The following KDM2A variants were observed in gnomAD, a reference collection of about 807,000 sequenced individuals.
KDM2A encodes lysine-specific demethylase 2A.
KDM2A carries 3 observed loss-of-function variants against 137.3 expected under a neutral mutation model. The observed-to-expected ratio is 0.02, with a 90% CI of 0.01 to 0.06. The LOEUF (loss-of-function observed/expected upper bound fraction) is 0.06, where lower values mean the gene tolerates loss of function less well. KDM2A is among the 10% of genes least tolerant of loss of function. KDM2A has a pLI of 1.00. For missense variants in KDM2A, 738 were observed against 1,510.6 expected (o/e 0.49, Z 8.48); for synonymous variants, 512 against 541.5 (o/e 0.95, Z 0.76).
At chr11:67,158,900 G>C (rs560687543) in intron 2 of KDM2A, among the ~76,000 whole-genome samples, 14 of 152,184 alleles carry the variant, frequency 9.2e-5, no homozygotes, top group Admixed American at 2.6e-4. Context: ...AAAGTTGATT[G>C]TAAATTTTGA....
intron 2 of KDM2A, among the ~76,000 whole-genome samples, chr11:67,139,832 C>T (rs144412576): frequency 1.1e-4 from 16 of 152,242 alleles, no homozygotes; most frequent in Admixed American, 2.6e-4. Context: ...GCCTCAGGTC[C>T]TGAGTAGCTG....
intron 2 of KDM2A, among the ~76,000 whole-genome samples, chr11:67,132,285 G>GT (rs894338937): frequency 3.4e-4 from 51 of 151,898 alleles, no homozygotes; most frequent in South Asian, 8.3e-4. Context: ...TAGAAGTTTT[G>GT]TTTTTTTTGT....
chr11:67,243,932 A>C (rs1020796952), intron 13 of KDM2A: 1 of 152,236 alleles, frequency 6.6e-6, no homozygotes, highest in African/African-American at 2.4e-5. Context: ...ACTGTCCTCT[A>C]TCAAGGTTAT....
At chr11:67,184,559 A>G (rs1247639374) in intron 5 of KDM2A, among the ~76,000 whole-genome samples, 1 of 151,912 alleles carries the variant, frequency 6.6e-6, no homozygotes, top group Non-Finnish European at 1.5e-5. Context: ...ACCGGGAGGC[A>G]GAGGTTGCAG....
chr11:67,250,266 A>G lies in KDM2A; in HGVS notation c.2236A>G (p.Ser746Gly). 3.1e-6 allele frequency: 5 copies of G among 1,613,660 alleles called. No homozygotes were observed. Among genetic ancestry groups the G allele is most frequent in the Non-Finnish European group, 4.2e-6 (5 of 1,179,828 alleles). Residue 746 changes from serine to glycine, a missense_variant, in exon 17 of 21, where the codon AGC becomes GGC. Ser to Gly is a moderately conservative substitution (Grantham distance 56). Coordinates refer to ENST00000529006, the MANE Select transcript of KDM2A (RefSeq NM_012308.3). This position sits in a 1 kb window ranked among gnomAD's most constrained non-coding sequence, Gnocchi z 7.1. ...VTRSSPGAGP[S>G]DHHSASRDER... is the part of the protein sequence containing the mutation. ...TCGGTCATCCCCTGGGGCTGGCCCC[A>G]GCGACCACCACAGTGCCAGCCGCGA...
intron 2 of KDM2A, among the ~76,000 whole-genome samples, chr11:67,168,594 CA>C (rs1856804784): frequency 2.1e-5 from 1 of 47,952 alleles, no homozygotes. Flanking sequence ...CACACACACA[CA>C]CACACACACA....
intron 12 of KDM2A, among the ~76,000 whole-genome samples, chr11:67,238,929 T>C (rs10732253): frequency 0.96 from 146,222 of 152,288 alleles, 70,302 homozygotes; most frequent in Non-Finnish European, 0.99. Context: ...TGCACCCTCC[T>C]TTCCTCCTGT....
Position 67,217,897 on chromosome 11 carries a change from G to A in KDM2A, c.841+13G>A. 1.3e-6 allele frequency: 2 copies of A among 1,578,474 alleles called. No individual in the cohort carries two copies. Among genetic ancestry groups the A allele is most frequent in the African/African-American group, 1.4e-5 (1 of 73,816 alleles). ...GTCATTCCCTCAGGTAAGCAAAATG[G>A]GAAGAGTGGGTTATTTAGCCATTTT... On this transcript the variant is annotated intron_variant, in intron 9 of 20. Coordinates refer to ENST00000529006, the MANE Select transcript of KDM2A (RefSeq NM_012308.3).
chr11:67,180,698 G>C (rs746823790), intron 3 of KDM2A, among the ~76,000 whole-genome samples: 1 of 151,942 alleles, frequency 6.6e-6, no homozygotes, highest in African/African-American at 2.4e-5. Context: ...TGTCACCCAG[G>C]GTGGAGTGCA....
In KDM2A at chr11:67,245,059, G is replaced by A; in HGVS notation, c.1564-130G>A. The A allele has an allele frequency of 1.1e-6, 1 of 901,096 alleles. No individual in the cohort carries two copies. Among genetic ancestry groups the A allele is most frequent in the Non-Finnish European group, 1.7e-6 (1 of 592,020 alleles). The allele number at this position is 901,096 out of a possible 1,614,324, so 55.8% of individuals were successfully genotyped here. A position where few individuals can be genotyped will look rare whatever the true frequency, so the allele number is the denominator to read the frequency against. ...TTGTGTGTCAATAAAATTTATTCTA[G>A]AAACAAGCAGTGGGCAGATCTGGCC... On this transcript the variant is annotated intron_variant, in intron 13 of 20. Coordinates refer to ENST00000529006, the MANE Select transcript of KDM2A (RefSeq NM_012308.3). This position sits in a 1 kb window ranked among gnomAD's most constrained non-coding sequence, Gnocchi z 4.1.
rs1859590788 is a variant in KDM2A, at chr11:67,255,880, G to A, written c.*825G>A. On this transcript the variant is annotated 3_prime_UTR_variant, in exon 21 of 21. Coordinates refer to ENST00000529006, the MANE Select transcript of KDM2A (RefSeq NM_012308.3). ...CCCCCTCTCTCTTTTGCCTCCCACTGACTGCCCTTTTCCATGTGTCTTCAT... is the reference window on the plus strand; with the variant it reads ...CCCCCTCTCTCTTTTGCCTCCCACTAACTGCCCTTTTCCATGTGTCTTCAT... 3.8e-6 allele frequency: 1 copy of A among 260,546 alleles called. No homozygotes were observed. Among genetic ancestry groups the A allele is most frequent in the Admixed American group, 4.9e-5 (1 of 20,238 alleles). 16.1% of individuals were successfully genotyped at this position (260,546 alleles called of 1,614,324 possible). A position where few individuals can be genotyped will look rare whatever the true frequency, so the allele number is the denominator to read the frequency against.
At chr11:67,127,784 C>T (rs553102826) in intron 2 of KDM2A, among the ~76,000 whole-genome samples, 33 of 151,912 alleles carry the variant, frequency 2.2e-4, no homozygotes, top group Non-Finnish European at 1.9e-4. Context: ...CTGGGCTCAC[C>T]GCAACCTCCC....
At chr11:67,152,367 A>G (rs116610720) in intron 2 of KDM2A, among the ~76,000 whole-genome samples, 28 of 152,170 alleles carry the variant, frequency 1.8e-4, no homozygotes, top group African/African-American at 6.5e-4. Context: ...TGTTATTCCA[A>G]GTATTTTGCG....
chr11:67,186,161 A>G (rs1565394075), intron 5 of KDM2A, among the ~76,000 whole-genome samples: 2 of 152,204 alleles, frequency 1.3e-5, no homozygotes. Flanking sequence ...AATGAACTCC[A>G]AGTAAGATGA....
chr11:67,239,273 G>A (rs1011798515), intron 12 of KDM2A, among the ~76,000 whole-genome samples: 1 of 152,162 alleles, frequency 6.6e-6, no homozygotes, highest in African/African-American at 2.4e-5. Flanking sequence ...AGGGCAAAGT[G>A]TGTTGTGCCT....
chr11:67,203,484 ATAT>A (rs1182550488), intron 5 of KDM2A, among the ~76,000 whole-genome samples: 4 of 147,570 alleles, frequency 2.7e-5, no homozygotes, highest in African/African-American at 9.8e-5. Context: ...TTATTAATAT[ATAT>A]TAATATATTT....
In KDM2A at chr11:67,125,279, C is replaced by T. The variant is rs572943602; in HGVS notation, c.42+3921C>T. Among the ~76,000 whole-genome samples, 127 of 151,338 alleles carry T rather than the reference C, an allele frequency of 8.4e-4. 1 individual carries two copies. The South Asian group carries it at 0.024, about 29-fold the overall frequency. On this transcript the variant is annotated intron_variant, in intron 2 of 20. Coordinates refer to ENST00000529006, the MANE Select transcript of KDM2A (RefSeq NM_012308.3). ...CATTGCAGCCTCGACATCCTGGTCTCGAGTGATCTTCCCACGTCAGCTTCC... is the reference window on the plus strand; with the variant it reads ...CATTGCAGCCTCGACATCCTGGTCTTGAGTGATCTTCCCACGTCAGCTTCC...
At chr11:67,215,502 C>A in intron 7 of KDM2A, 56 bp downstream of exon 7, 3 of 1,121,586 alleles carry the variant, frequency 2.7e-6, no homozygotes, top group Non-Finnish European at 4.0e-6. Context: ...AAAGCAATAG[C>A]AAGGATTGGC....
chr11:67,122,259 G>T (rs1855613339), intron 2 of KDM2A, among the ~76,000 whole-genome samples: 2 of 152,140 alleles, frequency 1.3e-5, no homozygotes, highest in South Asian at 4.1e-4. Context: ...GAATTTAGGA[G>T]AAAAAGAATG....
Sources: gnomAD v4.1 joint callset for allele counts (sites outside exome capture counted in the v4.1 genomes callset) on GRCh38, gnomAD v4.1.1 for gene constraint, Gnocchi (gnomAD v3.1) non-coding constraint, MANE v1.5 for transcripts, NCBI Gene and HGNC (gene_info 2026-07-23, HGNC 2026-07-21) for gene names.